SCAPER: variants seen among roughly 807,000 people sequenced by gnomAD.
The protein encoded by SCAPER is S-phase cyclin A associated protein in the ER.
Under a neutral mutation model 182.2 loss-of-function variants are expected in SCAPER, and 98 were observed. The observed-to-expected ratio is 0.54, with a 90% CI of 0.46 to 0.64. The LOEUF (loss-of-function observed/expected upper bound fraction) is 0.64, where lower values mean the gene tolerates loss of function less well. Ranked by LOEUF, SCAPER falls within the 30% of genes least tolerant of loss-of-function variation. The pLI is 0.00. For synonymous variants in SCAPER, 605 were observed against 564.6 expected, an observed-to-expected ratio of 1.07 and a Z score of -1.01; for missense variants, 1,432 against 1,690.0, an observed-to-expected ratio of 0.85 and a Z score of 2.68.
In SCAPER at chr15:76,860,394, A is replaced by T. The variant is rs1169043323; in HGVS notation, c.124+2022T>A. ...TAAATCCAATTTTCCCCTCTATTTGATAGTTTTTGTGATTCAAAACAATGT... is the reference window on the plus strand; with the variant it reads ...TAAATCCAATTTTCCCCTCTATTTGTTAGTTTTTGTGATTCAAAACAATGT... On this transcript the variant is annotated intron_variant, in intron 3 of 31. Transcript: ENST00000563290. Among the ~76,000 whole-genome samples the T allele has an allele frequency of 2.6e-5, 4 of 152,326 alleles. No individual in the cohort carries two copies. In the East Asian group the frequency reaches 5.8e-4, roughly 22 times the overall value.
At chr15:76,631,471 G>C (rs1251597163) in intron 21 of SCAPER, among the ~76,000 whole-genome samples, 3 of 152,156 alleles carry the variant, frequency 2.0e-5, no homozygotes, top group Non-Finnish European at 4.4e-5. Context: ...AGGAGCTCTT[G>C]CAAGGCAGGC....
intron 20 of SCAPER, among the ~76,000 whole-genome samples, chr15:76,697,887 A>ACC (rs1276333041): frequency 4.6e-5 from 7 of 152,002 alleles, no homozygotes; most frequent in Admixed American, 3.9e-4. Context: ...TGATCCACCC[A>ACC]CCTCAGCCTC....
At chr15:76,363,184 G>T (rs1177106767) in intron 29 of SCAPER, among the ~76,000 whole-genome samples, 1 of 152,216 alleles carries the variant, frequency 6.6e-6, no homozygotes, top group African/African-American at 2.4e-5. Context: ...TAATGGTTAA[G>T]CCCCCTATAT....
rs567508881 is a variant in SCAPER at position 76,867,823 on chromosome 15, A to C, written c.7-5290T>G. On this transcript the variant is annotated intron_variant, in intron 2 of 31. Transcript: ENST00000563290. Reference sequence around the variant, plus strand: ...GCTTTCTTTCCTGTCACAAAGCTAGACAACACCTTCCAGTCTTTCTTGCAG... The same window carrying C: ...GCTTTCTTTCCTGTCACAAAGCTAGCCAACACCTTCCAGTCTTTCTTGCAG... 3.1e-3 allele frequency among the ~76,000 whole-genome samples: 473 copies of C among 152,310 alleles called. 5 individuals carry two copies. The highest frequency in any genetic ancestry group is 0.011 in the African/African-American group (453 of 41,568).
intron 5 of SCAPER, among the ~76,000 whole-genome samples, chr15:76,822,340 A>T (rs1046935251): frequency 4.0e-5 from 6 of 151,712 alleles, no homozygotes; most frequent in Non-Finnish European, 7.4e-5. Flanking sequence ...ATAAAGTCAT[A>T]AAAAAAAGAA....
chr15:76,635,569 A>G (rs1037274579), intron 21 of SCAPER, among the ~76,000 whole-genome samples: 1 of 151,932 alleles, frequency 6.6e-6, no homozygotes, highest in Non-Finnish European at 1.5e-5. Flanking sequence ...TTTCTTGCCT[A>G]TGTGCCACTA....
intron 18 of SCAPER, 137 bp downstream of exon 18, chr15:76,705,766 T>C (rs1364232822): frequency 5.0e-6 from 3 of 602,388 alleles, no homozygotes; most frequent in African/African-American, 3.9e-5. Context: ...TTAGAAATGA[T>C]TGTAGCAAAA....
At chr15:76,508,199 T>A (rs2041754483) in intron 23 of SCAPER, among the ~76,000 whole-genome samples, 1 of 152,190 alleles carries the variant, frequency 6.6e-6, no homozygotes, top group African/African-American at 2.4e-5. Flanking sequence ...TTTTTTTGGT[T>A]GATTGCTTAT....
chr15:76,693,152 A>C (rs1342470827), intron 20 of SCAPER, among the ~76,000 whole-genome samples: 2 of 152,168 alleles, frequency 1.3e-5, no homozygotes. Flanking sequence ...AGAATACCCC[A>C]AAAAACTTCT....
At chr15:76,817,342 TTATATA>T (rs995589339) in intron 5 of SCAPER, among the ~76,000 whole-genome samples, 1 of 151,888 alleles carries the variant, frequency 6.6e-6, no homozygotes, top group African/African-American at 2.4e-5. Context: ...ATGATCTCAT[TTATATA>T]TATATAATCT....
chr15:76,533,156 G>A (rs2043823026), intron 23 of SCAPER, among the ~76,000 whole-genome samples: 1 of 152,166 alleles, frequency 6.6e-6, no homozygotes, highest in South Asian at 2.1e-4. Flanking sequence ...GTTTTGAAGA[G>A]TAAGTAGGGG....
chr15:76,634,424 T>A (rs1163055639), intron 21 of SCAPER, among the ~76,000 whole-genome samples: 1 of 152,156 alleles, frequency 6.6e-6, no homozygotes, highest in Non-Finnish European at 1.5e-5. Context: ...TATTCAGCCA[T>A]CTTGGCTGCC....
At chr15:76,517,096 C>T (rs549374507) in intron 23 of SCAPER, among the ~76,000 whole-genome samples, 4 of 152,152 alleles carry the variant, frequency 2.6e-5, no homozygotes, top group African/African-American at 9.6e-5. Flanking sequence ...AATGGGTTTA[C>T]ACCAAGAGTG....
intron 20 of SCAPER, among the ~76,000 whole-genome samples, chr15:76,670,121 T>G (rs1054930966): frequency 1.3e-5 from 2 of 152,118 alleles, no homozygotes; most frequent in African/African-American, 4.8e-5. Context: ...AATGAGCATG[T>G]TTTTGTTTGA....
intron 25 of SCAPER, among the ~76,000 whole-genome samples, chr15:76,469,298 AT>A (rs71143328): frequency 0.41 from 61,542 of 151,852 alleles, 14,382 homozygotes; most frequent in Middle Eastern, 0.55. Context: ...GCATGAAGTT[AT>A]TTTTTTTCAT....
intron 22 of SCAPER, among the ~76,000 whole-genome samples, chr15:76,581,181 A>C (rs56312206): frequency 0.053 from 8,021 of 152,170 alleles, 633 homozygotes; most frequent in African/African-American, 0.17. Flanking sequence ...ACAACAACAA[A>C]AAAAAGTCCA....
At chr15:76,587,841 T>C (rs1210038411) in intron 22 of SCAPER, among the ~76,000 whole-genome samples, 4 of 152,184 alleles carry the variant, frequency 2.6e-5, no homozygotes, top group Non-Finnish European at 5.9e-5. Flanking sequence ...ACTTTCTGTC[T>C]TGATGACCTG....
At chr15:76,439,175 TC>T (rs1363650233) in intron 25 of SCAPER, among the ~76,000 whole-genome samples, 1 of 151,818 alleles carries the variant, frequency 6.6e-6, no homozygotes, top group Non-Finnish European at 1.5e-5. Flanking sequence ...ATTCTCCACC[TC>T]CCCAGTTCAA....
chr15:76,429,085 T>C (rs1252962867), intron 26 of SCAPER, among the ~76,000 whole-genome samples: 1 of 151,672 alleles, frequency 6.6e-6, no homozygotes, highest in African/African-American at 2.4e-5. Context: ...GGTGGCTTTT[T>C]ATAAAAAGGA....
Sources: gnomAD v4.1 joint callset for allele counts (sites outside exome capture counted in the v4.1 genomes callset) on GRCh38, gnomAD v4.1.1 for gene constraint, MANE v1.5 for transcripts, NCBI Gene and HGNC (gene_info 2026-07-23, HGNC 2026-07-21) for gene names.